The following NWD1 variants were observed in gnomAD, a reference collection of about 807,000 sequenced individuals.
The protein encoded by NWD1 is NACHT and WD repeat domain containing 1.
NWD1 carries 129 observed loss-of-function variants against 135.1 expected under a neutral mutation model. The ratio of observed to expected loss-of-function variants is 0.96; its 90% confidence interval spans 0.83 to 1.11. The LOEUF (loss-of-function observed/expected upper bound fraction) is 1.11, where lower values mean the gene tolerates loss of function less well. Among genes scored for constraint, NWD1 ranks in the 50% least tolerant of loss-of-function variants. The pLI is 0.00. For synonymous variants in NWD1, 773 were observed against 786.0 expected, an observed-to-expected ratio of 0.98 and a Z score of 0.28; for missense variants, 1,740 against 1,851.3, an observed-to-expected ratio of 0.94 and a Z score of 1.10.
At chr19:16,768,569 C>G (rs189466937) in intron 10 of NWD1, among the ~76,000 whole-genome samples, 4 of 141,512 alleles carry the variant, frequency 2.8e-5, no homozygotes, top group Middle Eastern at 3.5e-3. Context: ...TTTTCTCTAC[C>G]CTTTTATGTT....
At chr19:16,805,316 C>T (rs1364997390) in intron 17 of NWD1, among the ~76,000 whole-genome samples, 1 of 152,058 alleles carries the variant, frequency 6.6e-6, no homozygotes, top group Non-Finnish European at 1.5e-5. Context: ...GCCTCGGCCT[C>T]CCAAAGTGCT....
chr19:16,807,883 C>T lies in NWD1; in HGVS notation c.4034C>T (p.Thr1345Ile). ...GATGGGCCAAGATACACCTTTTACA[C>T]TCAGCTGCCCGAGACCCTCTCCAGC... is the stretch of plus-strand genomic sequence containing the variant. Reference protein sequence around the residue: ...VIDGPRYTFYTQLPETLSSVA... With the variant: ...VIDGPRYTFYIQLPETLSSVA... Residue 1345 changes from threonine (T) to isoleucine (I), a missense_variant, in exon 18 of 19, where the codon ACT becomes ATT. Transcript: ENST00000524140. The T allele has an allele frequency of 6.2e-7, 1 of 1,614,246 alleles. No homozygotes were observed. The highest frequency in any genetic ancestry group is 8.5e-7 in the Non-Finnish European group (1 of 1,180,040).
intron 1 of NWD1, chr19:16,721,604 A>C (rs1967137689): frequency 6.9e-6 from 1 of 145,468 alleles, no homozygotes; most frequent in African/African-American, 2.6e-5. Flanking sequence ...CTGCAGCTAA[A>C]CTGTGGTATC....
chr19:16,796,667 C>A (rs1470483318), intron 15 of NWD1, among the ~76,000 whole-genome samples: 1 of 151,932 alleles, frequency 6.6e-6, no homozygotes, highest in Admixed American at 6.6e-5. Context: ...TTCCCCTTCT[C>A]ATTTCTCTCC....
At chr19:16,740,242 T>C (rs1968024610) in intron 4 of NWD1, among the ~76,000 whole-genome samples, 1 of 151,724 alleles carries the variant, frequency 6.6e-6, no homozygotes, top group African/African-American at 2.4e-5. Context: ...GAGGTGGCAG[T>C]GAACTATGAT....
chr19:16,774,527 C>G (rs1230559260), intron 11 of NWD1, among the ~76,000 whole-genome samples: 1 of 151,516 alleles, frequency 6.6e-6, no homozygotes, highest in Non-Finnish European at 1.5e-5. Flanking sequence ...TTTCATTTAT[C>G]TAGCCCCATT....
chr19:16,800,056 A>G lies in NWD1; in HGVS notation c.3630A>G (p.Pro1210=), dbSNP rs571771231. ...CTCATAGGTCCCGGGTGCCTGCACC[A>G]TTTCTGGACCGCACCGGCCTCACCG... is the stretch of plus-strand genomic sequence containing the variant. ...SDAHRSRVPA[P]FLDRTGLTAV... is the part of the protein sequence containing the mutation. Residue 1210 remains proline, a synonymous_variant, in exon 17 of 19, where the codon CCA becomes CCG. Coordinates refer to ENST00000524140, the MANE Select transcript of NWD1 (RefSeq NM_001007525.5). The G allele has an allele frequency of 2.5e-6, 4 of 1,614,196 alleles. No individual in the cohort carries two copies. In the African/African-American group the frequency reaches 5.3e-5, roughly 22 times the overall value.
intron 17 of NWD1, among the ~76,000 whole-genome samples, chr19:16,800,931 C>T (rs1009278079): frequency 1.3e-5 from 2 of 151,972 alleles, no homozygotes; most frequent in African/African-American, 4.8e-5. Context: ...GCTTAGGGTT[C>T]AAGAACACCT....
chr19:16,759,014 A>G (rs999001017), intron 6 of NWD1, among the ~76,000 whole-genome samples: 10 of 139,184 alleles, frequency 7.2e-5, no homozygotes, highest in African/African-American at 3.0e-4. Flanking sequence ...AAAAAAAAAA[A>G]AAAAAAAAAA....
chr19:16,767,530 G>C (rs1289435505), intron 10 of NWD1, among the ~76,000 whole-genome samples: 1 of 152,048 alleles, frequency 6.6e-6, no homozygotes, highest in Non-Finnish European at 1.5e-5. Context: ...TGGGAAAATT[G>C]CTTGAACACG....
At chr19:16,737,964 CGA>C (rs1260486989) in intron 4 of NWD1, among the ~76,000 whole-genome samples, 3 of 124,630 alleles carry the variant, frequency 2.4e-5, no homozygotes, top group Non-Finnish European at 3.3e-5. Flanking sequence ...GACTCTATCT[CGA>C]AAAGAAAAGA....
At chr19:16,738,884 T>TTA (rs1245610230) in intron 4 of NWD1, among the ~76,000 whole-genome samples, 109 of 142,666 alleles carry the variant, frequency 7.6e-4, no homozygotes, top group South Asian at 4.5e-3. Context: ...ACATTATATA[T>TTA]TATATATATA....
chr19:16,750,481 G>T (rs1026725089), intron 6 of NWD1, 70 bp downstream of exon 6: 5 of 1,204,890 alleles, frequency 4.1e-6, no homozygotes, highest in Admixed American at 2.9e-5. Context: ...AGAGATGGAG[G>T]TCTGGCTATG....
intron 12 of NWD1, among the ~76,000 whole-genome samples, chr19:16,780,657 T>G (rs1458916751): frequency 6.6e-6 from 1 of 152,002 alleles, no homozygotes; most frequent in Non-Finnish European, 1.5e-5. Flanking sequence ...TTTCCTTTTC[T>G]TTTTCTCATT....
chr19:16,785,737 C>T (rs1389418654), intron 12 of NWD1, among the ~76,000 whole-genome samples: 2 of 147,912 alleles, frequency 1.4e-5, no homozygotes, highest in East Asian at 1.9e-4. Flanking sequence ...TAAATATATA[C>T]ATACATGAAA....
chr19:16,731,025 C>G, intron 2 of NWD1, 167 bp from the exon 3 acceptor site: 2 of 468,082 alleles, frequency 4.3e-6, no homozygotes, highest in Non-Finnish European at 7.6e-6. Context: ...GAGAGAATCT[C>G]TTGAGGCCAG....
intron 7 of NWD1, among the ~76,000 whole-genome samples, chr19:16,761,709 G>C (rs890756248): frequency 6.6e-6 from 1 of 152,104 alleles, no homozygotes; most frequent in African/African-American, 2.4e-5. Context: ...GAGTGGATTT[G>C]CTGGGTCAGG....
At chr19:16,789,933 G>A (rs956927166) in intron 13 of NWD1, among the ~76,000 whole-genome samples, 2 of 152,062 alleles carry the variant, frequency 1.3e-5, no homozygotes, top group African/African-American at 4.8e-5. Flanking sequence ...GGCCAGGCTG[G>A]TCTCAAACTC....
chr19:16,753,240 A>G (rs998789689), intron 6 of NWD1, among the ~76,000 whole-genome samples: 1 of 152,182 alleles, frequency 6.6e-6, no homozygotes, highest in Non-Finnish European at 1.5e-5. Context: ...TCAGGAGCCC[A>G]TATTTCTGTG....
Sources: allele counts gnomAD v4.1 joint callset (sites outside exome capture counted in the v4.1 genomes callset), GRCh38; gene constraint gnomAD v4.1.1; transcripts MANE v1.5; gene names NCBI Gene and HGNC (gene_info 2026-07-23, HGNC 2026-07-21).